Variants in RYR2 observed in about 807,000 individuals in gnomAD.
RYR2 encodes the protein cardiac muscle ryanodine receptor-calcium release channel.
RYR2 carries 227 observed loss-of-function variants against 601.1 expected under a neutral mutation model. The observed-to-expected ratio is 0.38, with a 90% CI of 0.34 to 0.42. The LOEUF is 0.42. Ranked by LOEUF, RYR2 falls within the 10% of genes least tolerant of loss-of-function variation. The pLI is 1.00. For missense variants in RYR2, 4,646 were observed against 6,156.5 expected (o/e 0.75, Z 8.21); for synonymous variants, 2,223 against 2,175.1 (o/e 1.02, Z -0.61).
chr1:237,718,170 A>G (rs1689415671), intron 72 of RYR2, among the ~76,000 whole-genome samples: 1 of 152,168 alleles, frequency 6.6e-6, no homozygotes, highest in Admixed American at 6.5e-5. Context: ...ATATACTTCT[A>G]TTTCAGCCCA....
rs374355130 is a variant in RYR2 at position 237,347,600 on chromosome 1, C to A, written c.274-8365C>A. Reference sequence around the variant, plus strand: ...GGGAAGAAAACATCTAGGCCAGAAACGATGTACTTTTACCTTGTTTTGAAT... The same window carrying A: ...GGGAAGAAAACATCTAGGCCAGAAAAGATGTACTTTTACCTTGTTTTGAAT... On this transcript the variant is annotated intron_variant, in intron 3 of 104. Coordinates refer to ENST00000366574, the MANE Select transcript of RYR2 (RefSeq NM_001035.3). 1.3e-3 allele frequency among the ~76,000 whole-genome samples: 197 copies of A among 152,090 alleles called. 1 individual carries two copies. Among genetic ancestry groups the A allele is most frequent in the African/African-American group, 4.6e-3 (189 of 41,484 alleles).
At chr1:237,611,075 G>C (rs1677813662) in intron 36 of RYR2, 87 bp downstream of exon 36, 1 of 1,119,896 alleles carries the variant, frequency 8.9e-7, no homozygotes, top group East Asian at 2.6e-5. Context: ...TGCGGGGCAG[G>C]GGTGGTTCTA....
chr1:237,604,562 A>G (rs1217126196), intron 35 of RYR2, among the ~76,000 whole-genome samples: 1 of 152,206 alleles, frequency 6.6e-6, no homozygotes, highest in Non-Finnish European at 1.5e-5. Flanking sequence ...GGCAAGAAAT[A>G]ACTAAGATCC....
intron 1 of RYR2, among the ~76,000 whole-genome samples, chr1:237,199,280 A>G (rs1167638813): frequency 1.3e-5 from 2 of 152,218 alleles, no homozygotes; most frequent in African/African-American, 4.8e-5. Context: ...GCCATCTGCA[A>G]GCTGAGGAAC....
intron 27 of RYR2, among the ~76,000 whole-genome samples, chr1:237,559,154 T>A (rs1671203507): frequency 6.6e-6 from 1 of 151,658 alleles, no homozygotes; most frequent in African/African-American, 2.4e-5. Context: ...TGGCAAAAAA[T>A]TATGCAAATC....
chr1:237,620,587 A>T (rs1678969878), intron 38 of RYR2, among the ~76,000 whole-genome samples: 1 of 152,128 alleles, frequency 6.6e-6, no homozygotes, highest in South Asian at 2.1e-4. Flanking sequence ...ATGTATACAG[A>T]TTAAAAGGGA....
chr1:237,791,552 A>C, intron 93 of RYR2, 37 bp downstream of exon 93: 2 of 1,016,582 alleles, frequency 2.0e-6, no homozygotes, highest in Non-Finnish European at 3.0e-6. Flanking sequence ...CTGGTATAAA[A>C]CTCCAAATAG....
At chr1:237,512,586 A>G (rs1230396223) in intron 24 of RYR2, among the ~76,000 whole-genome samples, 1 of 152,192 alleles carries the variant, frequency 6.6e-6, no homozygotes, top group Non-Finnish European at 1.5e-5. Context: ...TAAGGAGCCA[A>G]AGTCAGCTGG....
intron 24 of RYR2, among the ~76,000 whole-genome samples, chr1:237,528,494 A>G (rs1209609630): frequency 6.6e-6 from 1 of 152,202 alleles, no homozygotes. Context: ...GTGGTAACTC[A>G]ATAAATATTT....
chr1:237,647,386 GCACAA>G (rs965543942), intron 48 of RYR2, among the ~76,000 whole-genome samples: 43 of 152,254 alleles, frequency 2.8e-4, no homozygotes, highest in African/African-American at 9.4e-4. Context: ...CCCGACAACA[GCACAA>G]CACATCAGAA....
chr1:237,742,270 CTTTTT>C, intron 79 of RYR2, 21 bp from the exon 80 acceptor site: 2 of 1,183,452 alleles, frequency 1.7e-6, no homozygotes, highest in East Asian at 2.8e-5. Flanking sequence ...TTCCTGTCTC[CTTTTT>C]TTTTTTTTTT....
chr1:237,654,390 C>T lies in RYR2; in HGVS notation c.7941C>T (p.Gly2647=), dbSNP rs1193750741. ...ELHLSRKLFW[G]IFDALSQKKY... ...ATTTATCAAGAAAGTTGTTCTGGGG[C>T]ATTTTTGATGCCCTGTCTCAAAAGG... is the stretch of plus-strand genomic sequence containing the variant. Residue 2647 remains glycine (G), a synonymous_variant, in exon 52 of 105, where the codon GGC becomes GGT. Coordinates refer to ENST00000366574, the MANE Select transcript of RYR2 (RefSeq NM_001035.3). 1 of 1,613,764 alleles carries T rather than the reference C, an allele frequency of 6.2e-7. No individual in the cohort carries two copies.
At position 237,784,192 on chromosome 1, in the gene RYR2, G is replaced by A; in HGVS notation, c.12480G>A (p.Trp4160Ter). ...FEISESSRTQ[W>*]EKPQVKESKR... ...TCAGTGAGTCCAGCCGAACCCAGTG[G>A]GAGAAGCCCCAGGTCAAGGAGTCCA... The change falls in exon 90 of 105, where the codon TGG becomes TGA. Residue 4160 changes from tryptophan to a stop codon, truncating the protein, a stop_gained. Transcript: ENST00000366574. LOFTEE classifies it high-confidence loss of function. The surrounding 1 kb of genome is among the most constrained non-coding windows in gnomAD (Gnocchi z 7.1). 1 of 1,613,988 alleles carries A rather than the reference G, an allele frequency of 6.2e-7. No homozygotes were observed. Among genetic ancestry groups the A allele is most frequent in the Non-Finnish European group, 8.5e-7 (1 of 1,179,882 alleles).
chr1:237,436,631 C>A (rs11808468), intron 12 of RYR2, among the ~76,000 whole-genome samples: 84,218 of 150,098 alleles, frequency 0.56, 24,182 homozygotes, highest in East Asian at 0.69. Flanking sequence ...TAAAAAAATT[C>A]TTTTGACTTT....
chr1:237,240,557 A>C (rs1686037274), intron 1 of RYR2, among the ~76,000 whole-genome samples: 1 of 151,220 alleles, frequency 6.6e-6, no homozygotes, highest in Non-Finnish European at 1.5e-5. Context: ...AGCGTGTTCT[A>C]CTAGATGTCA....
intron 1 of RYR2, among the ~76,000 whole-genome samples, chr1:237,103,812 A>C (rs1572643089): frequency 1.3e-5 from 2 of 151,896 alleles, no homozygotes; most frequent in Admixed American, 6.6e-5. Context: ...CAGGTGGTCC[A>C]CCCGCCTCGG....
At position 237,071,113 on chromosome 1, in the gene RYR2, G is replaced by A. The variant is rs147954174; in HGVS notation, c.48+28544G>A. Among the ~76,000 whole-genome samples, 642 of 152,342 alleles carry A rather than the reference G, an allele frequency of 4.2e-3. 2 individuals are homozygous for A. Among genetic ancestry groups the A allele is most frequent in the African/African-American group, 0.014 (591 of 41,588 alleles). On this transcript the variant is annotated intron_variant, in intron 1 of 104. Transcript: ENST00000366574. ...ACTGGTGGGTGAGTTAGTCGGAGAG[G>A]AGCTTCATTGAGTAAAAGAACAACT...
At chr1:237,650,167 AATT>A in intron 50 of RYR2, 70 bp downstream of exon 50, 2 of 1,380,646 alleles carry the variant, frequency 1.4e-6, no homozygotes. Context: ...GCCTTTGACA[AATT>A]ATTTAGAATT....
At chr1:237,782,087 A>AC (rs1405250011) in intron 89 of RYR2, among the ~76,000 whole-genome samples, 1 of 151,682 alleles carries the variant, frequency 6.6e-6, no homozygotes, top group Non-Finnish European at 1.5e-5. Flanking sequence ...TCTGTCCCCC[A>AC]GGGCAGCTGG....
Sources: gnomAD v4.1 joint callset for allele counts (sites outside exome capture counted in the v4.1 genomes callset) on GRCh38, gnomAD v4.1.1 for gene constraint, Gnocchi (gnomAD v3.1) non-coding constraint, MANE v1.5 for transcripts, NCBI Gene and HGNC (gene_info 2026-07-23, HGNC 2026-07-21) for gene names.